The following CAMK1G variants were observed in gnomAD, a reference collection of about 807,000 sequenced individuals.
The protein encoded by CAMK1G is calcium/calmodulin-dependent protein kinase type 1G.
In CAMK1G, 27 loss-of-function variants were observed where a neutral mutation model predicts 54.8. The ratio of observed to expected loss-of-function variants is 0.49; its 90% CI spans 0.36 to 0.68. The LOEUF is 0.68. CAMK1G is among the 30% of genes least tolerant of loss of function. The pLI, the probability that CAMK1G is intolerant of heterozygous loss-of-function variation, is 0.00. For missense variants in CAMK1G, 512 were observed against 591.0 expected (o/e 0.87, Z 1.39); for synonymous variants, 238 against 224.9 (o/e 1.06, Z -0.52).
intron 1 of CAMK1G, among the ~76,000 whole-genome samples, chr1:209,590,344 C>G (rs1248339771): frequency 6.6e-6 from 1 of 152,120 alleles, no homozygotes; most frequent in African/African-American, 2.4e-5. Context: ...GGCGATCACT[C>G]TGGTTACAGA....
At chr1:209,604,187 A>G (rs988288043) in intron 4 of CAMK1G, among the ~76,000 whole-genome samples, 2 of 152,206 alleles carry the variant, frequency 1.3e-5, no homozygotes, top group Admixed American at 1.3e-4. Context: ...GCACCTGATT[A>G]ACTGGGGGCT....
chr1:209,601,496 T>C (rs1451682624), intron 3 of CAMK1G, among the ~76,000 whole-genome samples: 1 of 152,308 alleles, frequency 6.6e-6, no homozygotes, highest in African/African-American at 2.4e-5. Context: ...TATCTCAACA[T>C]GAAGGCATTT....
At chr1:209,596,755 C>T (rs1402866756) in intron 2 of CAMK1G, among the ~76,000 whole-genome samples, 1 of 151,840 alleles carries the variant, frequency 6.6e-6, no homozygotes, top group African/African-American at 2.4e-5. Context: ...TGACATGTCA[C>T]CTCTGAATCT....
chr1:209,610,051 C>A, intron 9 of CAMK1G, 122 bp downstream of exon 9: 2 of 801,376 alleles, frequency 2.5e-6, no homozygotes, highest in Non-Finnish European at 2.2e-6. Context: ...ATGTGACAAG[C>A]AAGGACCATG....
At chr1:209,596,355 C>CAGAGG (rs1434797785) in intron 2 of CAMK1G, among the ~76,000 whole-genome samples, 1 of 152,064 alleles carries the variant, frequency 6.6e-6, no homozygotes, top group Non-Finnish European at 1.5e-5. Context: ...CCCAAAAATC[C>CAGAGG]AGAGGAGAGG....
intron 1 of CAMK1G, among the ~76,000 whole-genome samples, chr1:209,591,255 C>G (rs933998270): frequency 1.3e-5 from 2 of 152,116 alleles, no homozygotes; most frequent in Non-Finnish European, 2.9e-5. Context: ...GGGCTGCCAC[C>G]CTGCCAAGAG....
chr1:209,594,028 T>C (rs1350657207), intron 1 of CAMK1G, among the ~76,000 whole-genome samples: 1 of 152,132 alleles, frequency 6.6e-6, no homozygotes, highest in Admixed American at 6.5e-5. Flanking sequence ...CTTCCAGCTT[T>C]GGTGTTTTAT....
intron 1 of CAMK1G, among the ~76,000 whole-genome samples, chr1:209,584,466 G>A (rs1488254690): frequency 6.6e-6 from 1 of 152,072 alleles, no homozygotes; most frequent in Non-Finnish European, 1.5e-5. Context: ...CCAGGGGCGC[G>A]TCTACCTCCC....
At chr1:209,601,057 T>C (rs1259973353) in intron 3 of CAMK1G, among the ~76,000 whole-genome samples, 1 of 152,200 alleles carries the variant, frequency 6.6e-6, no homozygotes, top group African/African-American at 2.4e-5. Flanking sequence ...ATGTTGGCTT[T>C]ATTCTGTGGG....
intron 7 of CAMK1G, 78 bp from the exon 8 acceptor site, chr1:209,608,902 G>T: frequency 1.3e-6 from 2 of 1,587,306 alleles, no homozygotes; most frequent in Non-Finnish European, 1.7e-6. Context: ...TATACAGTGG[G>T]AGCTTGGGGG....
rs775962350 is a variant in CAMK1G at position 209,611,581 on chromosome 1, AG to A, written c.915+30del. The A allele has an allele frequency of 6.9e-6, 11 of 1,599,576 alleles. No individual in the cohort carries two copies. In the South Asian group the frequency reaches 1.1e-4, roughly 16 times the overall value. ...AGCTGTCCTCTCCAGGGGGTGGGAA[AG>A]CTGTTCTGGGCCCCTGGAGGCTGGG... On this transcript the variant is annotated intron_variant, in intron 10 of 12. Coordinates refer to ENST00000361322, the MANE Select transcript of CAMK1G (RefSeq NM_020439.3).
chr1:209,595,633 A>T (rs535539891), intron 2 of CAMK1G, among the ~76,000 whole-genome samples: 2 of 152,114 alleles, frequency 1.3e-5, no homozygotes, highest in South Asian at 2.1e-4. Context: ...CAGCATCTTC[A>T]TTTCTCCAGC....
intron 4 of CAMK1G, 92 bp from the exon 5 acceptor site, chr1:209,605,444 C>G (rs1020943967): frequency 7.4e-5 from 109 of 1,464,458 alleles, no homozygotes; most frequent in Non-Finnish European, 9.9e-5. Flanking sequence ...TGTTCCACTG[C>G]AGCTGTGTCC....
At chr1:209,584,944 A>G (rs915339785) in intron 1 of CAMK1G, among the ~76,000 whole-genome samples, 2 of 152,166 alleles carry the variant, frequency 1.3e-5, no homozygotes, top group Non-Finnish European at 2.9e-5. Context: ...ATAATTAATC[A>G]TCTTTAGGAC....
chr1:209,604,888 GA>G (rs780730848), intron 4 of CAMK1G, among the ~76,000 whole-genome samples: 19 of 152,186 alleles, frequency 1.2e-4, no homozygotes, highest in Non-Finnish European at 2.4e-4. Context: ...TTAGGAGGAA[GA>G]GTGTTCTCTG....
Position 209,603,218 on chromosome 1 carries a change from A to T in CAMK1G, c.226A>T (p.Lys76Ter). Residue 76 changes from lysine (K) to a stop codon, truncating the protein, a stop_gained, in exon 4 of 13, where the codon AAG (lysine) becomes TAG (stop). Coordinates refer to ENST00000361322, the MANE Select transcript of CAMK1G (RefSeq NM_020439.3). LOFTEE classifies it high-confidence loss of function. ...ENEIAVLKKI[K>*]HENIVTLEDI... The stretch of plus-strand genomic sequence containing the variant: ...CATGCACTTTATTTTTCCCAGGATC[A>T]AGCATGAAAACATTGTGACCCTGGA... 2.5e-6 allele frequency: 4 copies of T among 1,614,112 alleles called. No homozygotes were observed. The highest frequency in any genetic ancestry group is 3.4e-6 in the Non-Finnish European group (4 of 1,179,982).
rs776812991 is a variant in CAMK1G, at chr1:209,607,953, G to T, written c.635+20G>T. 1.4e-4 allele frequency: 228 copies of T among 1,593,090 alleles called. 3 individuals carry two copies. The Admixed American group carries it at 2.5e-3, about 17-fold the overall frequency. The stretch of plus-strand genomic sequence containing the variant: ...CATATTGTGAGTAGACGCTGGCCTG[G>T]GTTCAGCTGATGAGAAGTCTCGGAG... On this transcript the variant is annotated intron_variant, in intron 7 of 12. Coordinates refer to ENST00000361322, the MANE Select transcript of CAMK1G (RefSeq NM_020439.3).
rs1156296317 is a variant in CAMK1G at position 209,611,457 on chromosome 1, A to T, written c.828-8A>T. The T allele has an allele frequency of 6.2e-7, 1 of 1,614,018 alleles. No homozygotes were observed. The highest frequency in any genetic ancestry group is 2.2e-5 in the East Asian group (1 of 44,874). ...CCAGTAGCCAGGTGTCCCCTCTTAC[A>T]TCCACAGGATTGACGGAAACACAGC... On this transcript the variant is annotated splice_polypyrimidine_tract_variant and splice_region_variant and intron_variant, in intron 9 of 12. Coordinates refer to ENST00000361322, the MANE Select transcript of CAMK1G (RefSeq NM_020439.3).
At position 209,607,296 on chromosome 1, in the gene CAMK1G, A is replaced by G. The variant is rs114760832; in HGVS notation, c.560-562A>G. ...TCCTAATCAGAGGAAGTCATGGCTCATGCCCTCTGAAAGCTCTCTATCTGA... is the reference window on the plus strand; with the variant it reads ...TCCTAATCAGAGGAAGTCATGGCTCGTGCCCTCTGAAAGCTCTCTATCTGA... On this transcript the variant is annotated intron_variant, in intron 6 of 12. Transcript: ENST00000361322. 4.4e-3 allele frequency among the ~76,000 whole-genome samples: 677 copies of G among 152,328 alleles called. 7 individuals are homozygous for G. Among genetic ancestry groups the G allele is most frequent in the African/African-American group, 0.015 (636 of 41,564 alleles).
Sources: gnomAD v4.1 joint callset for allele counts (sites outside exome capture counted in the v4.1 genomes callset) on GRCh38, gnomAD v4.1.1 for gene constraint, MANE v1.5 for transcripts, NCBI Gene and HGNC (gene_info 2026-07-23, HGNC 2026-07-21) for gene names.